Variants in RAB43 observed in about 807,000 individuals in gnomAD.
The protein encoded by RAB43 is RAB43, member RAS oncogene family.
Under a neutral mutation model 18.8 loss-of-function variants are expected in RAB43, and 6 were observed. The ratio of observed to expected loss-of-function variants is 0.32; its 90% CI spans 0.17 to 0.63. The LOEUF is 0.63. Ranked by LOEUF, RAB43 falls within the 30% of genes least tolerant of loss-of-function variation. The pLI is 0.79. For synonymous variants in RAB43, 103 were observed against 124.1 expected (o/e 0.83, Z 1.13); for missense variants, 195 against 289.1 (o/e 0.67, Z 2.36).
At position 129,121,343 on chromosome 3, in the gene RAB43, G is replaced by A; in HGVS notation, c.147C>T (p.Ser49=). Residue 49 remains serine, a synonymous_variant, in exon 1 of 3, where the codon AGC becomes AGT. Coordinates refer to ENST00000315150, the MANE Select transcript of RAB43 (RefSeq NM_198490.3). Reference sequence around the variant, plus strand: ...TCATGGTGAAGTCGACGCCGATGGTGCTTCCCTGGCGCTCCGAGAAGGCGC... The same window carrying A: ...TCATGGTGAAGTCGACGCCGATGGTACTTCCCTGGCGCTCCGAGAAGGCGC... ...KTGAFSERQG[S]TIGVDFTMKT... is the part of the protein sequence containing the mutation. The A allele has an allele frequency of 1.2e-6, 2 of 1,610,528 alleles. No individual in the cohort carries two copies. The highest frequency in any genetic ancestry group is 1.7e-6 in the Non-Finnish European group (2 of 1,178,638).
At chr3:129,094,668 C>T (rs1933914753) in intron 2 of RAB43, among the ~76,000 whole-genome samples, 1 of 151,684 alleles carries the variant, frequency 6.6e-6, no homozygotes, top group African/African-American at 2.4e-5. Flanking sequence ...GCGCCTGCCA[C>T]CACAACCGGC....
Position 129,103,115 on chromosome 3 carries a change from A to G in RAB43, c.205-7946T>C, listed in dbSNP as rs950291934. 7.2e-5 allele frequency among the ~76,000 whole-genome samples: 11 copies of G among 152,300 alleles called. No individual in the cohort carries two copies. The South Asian group carries it at 1.7e-3, about 23-fold the overall frequency. The stretch of plus-strand genomic sequence containing the variant: ...CTCTGAGGGGCGCTGGGACTCGGCC[A>G]AGGCATCCCAACGCAGAGTCCTGGA... On this transcript the variant is annotated intron_variant, in intron 1 of 2. Transcript: ENST00000315150.
At chr3:129,101,648 A>G (rs1934418996) in intron 1 of RAB43, among the ~76,000 whole-genome samples, 3 of 152,190 alleles carry the variant, frequency 2.0e-5, no homozygotes. Context: ...AGGCAGGAGA[A>G]TGCTTACCGT....
At chr3:129,094,958 T>A (rs761669315) in intron 2 of RAB43, 28 bp downstream of exon 2, 48 of 1,598,158 alleles carry the variant, frequency 3.0e-5, no homozygotes, top group Non-Finnish European at 3.8e-5. Context: ...GTGATGGGAT[T>A]TGTGGTCCCG....
intron 1 of RAB43, among the ~76,000 whole-genome samples, chr3:129,111,838 T>C (rs1046758759): frequency 1.3e-5 from 2 of 152,170 alleles, no homozygotes; most frequent in Admixed American, 1.3e-4. Context: ...AAAAAATATA[T>C]AAACATGACA....
chr3:129,116,735 GCAGA>G (rs1238535799), intron 1 of RAB43, among the ~76,000 whole-genome samples: 3 of 152,342 alleles, frequency 2.0e-5, no homozygotes, highest in African/African-American at 7.2e-5. Flanking sequence ...TCCCTAGCGA[GCAGA>G]CAGTGAGCCT....
chr3:129,094,600 C>G (rs895672854), intron 2 of RAB43, among the ~76,000 whole-genome samples: 1 of 145,520 alleles, frequency 6.9e-6, no homozygotes, highest in Admixed American at 7.2e-5. Flanking sequence ...CTGCAAGCTC[C>G]GCCTCCCAGG....
intron 1 of RAB43, among the ~76,000 whole-genome samples, chr3:129,112,066 A>T (rs1299689980): frequency 2.0e-5 from 3 of 152,100 alleles, no homozygotes; most frequent in Non-Finnish European, 2.9e-5. Flanking sequence ...CTGGGCAACA[A>T]TGTGAAACCC....
chr3:129,120,792 C>T (rs1447423715), intron 1 of RAB43, among the ~76,000 whole-genome samples: 1 of 152,136 alleles, frequency 6.6e-6, no homozygotes, highest in Non-Finnish European at 1.5e-5. Context: ...AGTTTTGGCC[C>T]TCTGGTCCTA....
At position 129,095,246 on chromosome 3, in the gene RAB43, C is replaced by T. The variant is rs1386171866; in HGVS notation, c.205-77G>A. The T allele has an allele frequency of 7.8e-6, 12 of 1,531,376 alleles. No individual in the cohort carries two copies. In the East Asian group the frequency reaches 2.8e-4, roughly 35 times the overall value. The allele number at this position is 1,531,376 out of a possible 1,614,324, so 94.9% of individuals were successfully genotyped here. ...GACAGGCAGAGTGACCCCACAGACC[C>T]ACACCCAGAGCTGTGGTTCCACTGG... On this transcript the variant is annotated intron_variant, in intron 1 of 2. Coordinates refer to ENST00000315150, the MANE Select transcript of RAB43 (RefSeq NM_198490.3). The surrounding 1 kb of genome is among the most constrained non-coding windows in gnomAD (Gnocchi z 4.2).
At chr3:129,119,105 T>C (rs1935734794) in intron 1 of RAB43, among the ~76,000 whole-genome samples, 1 of 152,216 alleles carries the variant, frequency 6.6e-6, no homozygotes, top group Non-Finnish European at 1.5e-5. Flanking sequence ...ACACCTCAAG[T>C]GGTGAAGGTT....
intron 1 of RAB43, among the ~76,000 whole-genome samples, chr3:129,118,989 G>C (rs1398853392): frequency 6.6e-6 from 1 of 152,204 alleles, no homozygotes; most frequent in Admixed American, 6.5e-5. Flanking sequence ...GAAAGGAACT[G>C]ACTACAGAAG....
intron 1 of RAB43, among the ~76,000 whole-genome samples, chr3:129,098,772 T>A (rs772656523): frequency 6.6e-6 from 1 of 152,174 alleles, no homozygotes; most frequent in East Asian, 1.9e-4. Flanking sequence ...TTAAACTATT[T>A]ATTATTATTA....
intron 2 of RAB43, chr3:129,092,646 A>G: frequency 1.8e-6 from 1 of 542,616 alleles, no homozygotes; most frequent in Non-Finnish European, 3.3e-6. Flanking sequence ...ATAAAATACT[A>G]TTTTCATAGC....
intron 1 of RAB43, among the ~76,000 whole-genome samples, chr3:129,105,180 C>A (rs567938335): frequency 3.3e-5 from 5 of 152,304 alleles, no homozygotes; most frequent in Admixed American, 2.0e-4. Flanking sequence ...ACCCTTCTGC[C>A]GGCCAAACAA....
At chr3:129,104,767 G>A (rs1346522384) in intron 1 of RAB43, among the ~76,000 whole-genome samples, 2 of 152,208 alleles carry the variant, frequency 1.3e-5, no homozygotes, top group African/African-American at 4.8e-5. Context: ...CTTATACTAC[G>A]CTCTGAGTCT....
chr3:129,092,033 G>A lies in RAB43; in HGVS notation c.389-687C>T, dbSNP rs1046533496. ...AGATTGTGCCACTGTACTCCAGCCTGGGCAACAAGAGCGAAACTCCGTCAT... is the reference window on the plus strand; with the variant it reads ...AGATTGTGCCACTGTACTCCAGCCTAGGCAACAAGAGCGAAACTCCGTCAT... On this transcript the variant is annotated intron_variant, in intron 2 of 2. Transcript: ENST00000315150. 4.0e-5 allele frequency among the ~76,000 whole-genome samples: 6 copies of A among 149,746 alleles called. No individual in the cohort carries two copies. In the Admixed American group the frequency reaches 4.0e-4, roughly 10 times the overall value.
At chr3:129,101,747 G>C (rs1294229033) in intron 1 of RAB43, among the ~76,000 whole-genome samples, 2 of 152,248 alleles carry the variant, frequency 1.3e-5, no homozygotes, top group African/African-American at 4.8e-5. Flanking sequence ...GCCAGAGCCA[G>C]AGCATATAGG....
At chr3:129,116,279 T>C (rs1421346759) in intron 1 of RAB43, among the ~76,000 whole-genome samples, 1 of 152,166 alleles carries the variant, frequency 6.6e-6, no homozygotes, top group Non-Finnish European at 1.5e-5. Context: ...CTTTCCACTA[T>C]CTCTCCACCA....
Sources: gnomAD v4.1 joint callset for allele counts (sites outside exome capture counted in the v4.1 genomes callset) on GRCh38, gnomAD v4.1.1 for gene constraint, Gnocchi (gnomAD v3.1) non-coding constraint, MANE v1.5 for transcripts, NCBI Gene and HGNC (gene_info 2026-07-23, HGNC 2026-07-21) for gene names.